The following MS4A14 variants were observed in gnomAD, a reference collection of about 807,000 sequenced individuals.
MS4A14 encodes membrane-spanning 4-domains subfamily A member 14.
In MS4A14, 18 loss-of-function variants were observed where a neutral mutation model predicts 16.7. The observed-to-expected ratio is 1.08, with a 90% CI of 0.75 to 1.60. The LOEUF (loss-of-function observed/expected upper bound fraction) is 1.60, where lower values mean the gene tolerates loss of function less well. Ranked by LOEUF, MS4A14 falls within the 40% of genes most tolerant of loss-of-function variation. The pLI is 0.00. For missense variants in MS4A14, 812 were observed against 775.3 expected, an observed-to-expected ratio of 1.05 and a Z score of -0.56; for synonymous variants, 305 against 289.4, an observed-to-expected ratio of 1.05 and a Z score of -0.55.
At chr11:60,405,809 G>T in intron 4 of MS4A14, 1 of 1,024,028 alleles carries the variant, frequency 9.8e-7, no homozygotes, top group Non-Finnish European at 1.4e-6. Flanking sequence ...TGGTGATAGA[G>T]TGTAAGGGGT....
chr11:60,398,043 C>A, intron 2 of MS4A14, 63 bp downstream of exon 2: 1 of 1,564,764 alleles, frequency 6.4e-7, no homozygotes. Flanking sequence ...AACTGCTTCA[C>A]GTCCTAGGGT....
chr11:60,407,423 C>T (rs4938943), intron 4 of MS4A14, among the ~76,000 whole-genome samples: 102,495 of 152,052 alleles, frequency 0.67, 34,721 homozygotes, highest in Middle Eastern at 0.76. Flanking sequence ...CATATTTTCA[C>T]TTCTCCTGGA....
At chr11:60,413,942 A>C (rs1370971089) in intron 4 of MS4A14, among the ~76,000 whole-genome samples, 1 of 152,080 alleles carries the variant, frequency 6.6e-6, no homozygotes. Flanking sequence ...CAATTTTTAA[A>C]TCCTTCCCAA....
chr11:60,397,820 G>A, intron 1 of MS4A14, 32 bp from the exon 2 acceptor site: 1 of 1,607,820 alleles, frequency 6.2e-7, no homozygotes, highest in Non-Finnish European at 8.5e-7. Context: ...TTGGATACTT[G>A]TAACCTCATG....
intron 4 of MS4A14, among the ~76,000 whole-genome samples, chr11:60,403,321 G>A (rs1320119732): frequency 6.6e-6 from 1 of 151,870 alleles, no homozygotes; most frequent in African/African-American, 2.4e-5. Flanking sequence ...AGTGGAAAAT[G>A]AACATAATGA....
At chr11:60,398,715 A>C (rs752492757) in intron 2 of MS4A14, among the ~76,000 whole-genome samples, 2 of 152,208 alleles carry the variant, frequency 1.3e-5, no homozygotes, top group Non-Finnish European at 2.9e-5. Flanking sequence ...ATAATTAATA[A>C]ATTAGGCCAC....
chr11:60,416,639 TA>T lies in MS4A14; in HGVS notation c.1674del (p.Glu559SerfsTer119), dbSNP rs1291654247. The T allele has an allele frequency of 1.2e-6, 2 of 1,613,408 alleles. No homozygotes were observed. The highest frequency in any genetic ancestry group is 3.3e-5 in the Admixed American group (2 of 59,880). ...ATAAGCAAGCTCAACTTAATCAAAC[TA>T]AAGAGCAACTCCCAGATCAGCAAGC... Reference protein sequence around the residue: ...VDKQAQLNQTKEQLPDQQAED... With the variant: ...VDKQAQLNQTXEQLPDQQAED... On this transcript the variant is annotated frameshift_variant, in exon 5 of 5. Transcript: ENST00000300187. LOFTEE classifies it low-confidence loss of function (END_TRUNC).
intron 4 of MS4A14, among the ~76,000 whole-genome samples, chr11:60,407,172 C>G (rs1339198303): frequency 6.6e-6 from 1 of 151,754 alleles, no homozygotes; most frequent in African/African-American, 2.4e-5. Flanking sequence ...GCGCCACCAC[C>G]CCCAGCTAAA....
At chr11:60,410,165 A>G (rs2085847660) in intron 4 of MS4A14, among the ~76,000 whole-genome samples, 1 of 152,116 alleles carries the variant, frequency 6.6e-6, no homozygotes, top group South Asian at 2.1e-4. Flanking sequence ...AGCCTTATAT[A>G]ATGGCCATCT....
chr11:60,413,369 A>G (rs560320225), intron 4 of MS4A14, among the ~76,000 whole-genome samples: 1 of 80,590 alleles, frequency 1.2e-5, no homozygotes, highest in South Asian at 4.4e-4. Context: ...AAAATAAGTG[A>G]TGAAAATAGC....
In MS4A14 at chr11:60,416,374, A is replaced by T. The variant is rs748872402; in HGVS notation, c.1406A>T (p.Lys469Ile). 1.9e-6 allele frequency: 3 copies of T among 1,613,920 alleles called. No homozygotes were observed. Among genetic ancestry groups the T allele is most frequent in the Non-Finnish European group, 1.7e-6 (2 of 1,179,966 alleles). The change falls in exon 5 of 5, where the codon AAA (lysine) becomes ATA (isoleucine). Residue 469 changes from lysine (K) to isoleucine (I), a missense_variant. By Grantham distance (102) the Lys-to-Ile change is moderately radical. Coordinates refer to ENST00000300187, the MANE Select transcript of MS4A14 (RefSeq NM_032597.5). ...DIRSEVMEET[K>I]EWKSEEELHR... is the part of the protein sequence containing the mutation. Reference sequence around the variant, plus strand: ...AGATCAGAAGTTATGGAAGAGACCAAAGAATGGAAATCTGAGGAGGAACTC... The same window carrying T: ...AGATCAGAAGTTATGGAAGAGACCATAGAATGGAAATCTGAGGAGGAACTC...
In MS4A14 at chr11:60,416,654, A is replaced by G; in HGVS notation, c.1686A>G (p.Pro562=). 3.1e-6 allele frequency: 5 copies of G among 1,613,910 alleles called. No homozygotes were observed. Among genetic ancestry groups the G allele is most frequent in the Non-Finnish European group, 3.4e-6 (4 of 1,179,958 alleles). Residue 562 remains proline (P), a synonymous_variant, in exon 5 of 5, where the codon CCA becomes CCG. Transcript: ENST00000300187. ...AQLNQTKEQL[P]DQQAEDQQAK... ...TTAATCAAACTAAAGAGCAACTCCCAGATCAGCAAGCTGAAGATCAGCAAG... is the reference window on the plus strand; with the variant it reads ...TTAATCAAACTAAAGAGCAACTCCCGGATCAGCAAGCTGAAGATCAGCAAG...
intron 4 of MS4A14, among the ~76,000 whole-genome samples, chr11:60,411,130 G>C (rs2085863697): frequency 6.6e-6 from 1 of 152,222 alleles, no homozygotes; most frequent in Non-Finnish European, 1.5e-5. Context: ...ACAGGCATGA[G>C]CCACTGTGCC....
chr11:60,414,782 T>G (rs1285468424), intron 4 of MS4A14, among the ~76,000 whole-genome samples: 1 of 152,108 alleles, frequency 6.6e-6, no homozygotes, highest in East Asian at 1.9e-4. Flanking sequence ...TTGTACCCGC[T>G]ATTCCACTGC....
At chr11:60,410,252 ATCT>A (rs1368428986) in intron 4 of MS4A14, among the ~76,000 whole-genome samples, 1 of 152,158 alleles carries the variant, frequency 6.6e-6, no homozygotes, top group Non-Finnish European at 1.5e-5. Context: ...CCATGTATAC[ATCT>A]TCTTTGGAGA....
intron 2 of MS4A14, among the ~76,000 whole-genome samples, chr11:60,398,687 A>C (rs568480659): frequency 7.2e-5 from 11 of 152,320 alleles, no homozygotes; most frequent in Non-Finnish European, 7.4e-5. Context: ...TCAATCAATC[A>C]ATCAACAAAT....
intron 3 of MS4A14, among the ~76,000 whole-genome samples, chr11:60,401,356 G>A (rs181031913): frequency 2.0e-3 from 303 of 152,274 alleles, no homozygotes; most frequent in African/African-American, 7.0e-3. Context: ...TTCCATCCCT[G>A]CTTATGGAAA....
chr11:60,402,813 GAAGTATCTGGAAAGATAAA>G (rs1371948277), intron 3 of MS4A14, 80 bp from the exon 4 acceptor site: 1 of 1,165,216 alleles, frequency 8.6e-7, no homozygotes, highest in Non-Finnish European at 1.2e-6. Context: ...TCTTCCCTGA[GAAGTATCTGGAAAGATAAA>G]AGCACTAAAA....
At chr11:60,403,183 T>C in intron 4 of MS4A14, 122 bp downstream of exon 4, 1 of 1,081,106 alleles carries the variant, frequency 9.2e-7, no homozygotes, top group Non-Finnish European at 1.4e-6. Flanking sequence ...AACTGACGGT[T>C]GAGAAGGGTA....
Sources: allele counts gnomAD v4.1 joint callset (sites outside exome capture counted in the v4.1 genomes callset), GRCh38; gene constraint gnomAD v4.1.1; transcripts MANE v1.5; gene names NCBI Gene and HGNC (gene_info 2026-07-23, HGNC 2026-07-21).